KIF6: variants seen among roughly 807,000 people sequenced by gnomAD.
KIF6 encodes the protein kinesin family member 6, also known as kinesin-like protein KIF6.
Under a neutral mutation model 112.7 loss-of-function variants are expected in KIF6, and 106 were observed. That is an observed-to-expected ratio of 0.94 (90% CI 0.80 to 1.11). KIF6 has a LOEUF of 1.11. KIF6 is among the 50% of genes least tolerant of loss of function. The probability of loss-of-function intolerance (pLI) is 0.00; values close to 1 mark genes in which losing one functional copy is unlikely to be tolerated. For synonymous variants in KIF6, 339 were observed against 339.9 expected, an observed-to-expected ratio of 1.00 and a Z score of 0.03; for missense variants, 929 against 964.0, an observed-to-expected ratio of 0.96 and a Z score of 0.48.
In KIF6 at chr6:39,332,890, T is replaced by C. The variant is rs61075053; in HGVS notation, c.*3642A>G. The C allele has an allele frequency of 0.11, 16,241 of 152,138 alleles. 936 individuals carry two copies. Among genetic ancestry groups the C allele is most frequent in the Middle Eastern group, 0.23 (67 of 294 alleles). 9.4% of individuals were successfully genotyped at this position (152,138 alleles called of 1,614,324 possible). ...TCCCTGGATTCCCAGCTCCATTTCC[T>C]CAACTCAGGGAAACCACTGGGCTCT... is the stretch of plus-strand genomic sequence containing the variant. On this transcript the variant is annotated 3_prime_UTR_variant, in exon 23 of 23. Transcript: ENST00000287152.
At chr6:39,627,531 T>C (rs569216618) in intron 5 of KIF6, among the ~76,000 whole-genome samples, 36 of 152,274 alleles carry the variant, frequency 2.4e-4, no homozygotes, top group Non-Finnish European at 4.0e-4. Context: ...CTGTAAGTCA[T>C]GAGAGCAGAG....
rs1372950935 is a variant in KIF6, at chr6:39,447,885, T to G, written c.1646-16724A>C. ...AGTGATCCTGGATTGCCAAAACCAG[T>G]GGTCAGTTTTCTGTTTTTATTTGAG... On this transcript the variant is annotated intron_variant, in intron 13 of 22. Coordinates refer to ENST00000287152, the MANE Select transcript of KIF6 (RefSeq NM_145027.6). Among the ~76,000 whole-genome samples, 5 of 152,184 alleles carry G rather than the reference T, an allele frequency of 3.3e-5. No homozygotes were observed. The East Asian group carries it at 9.7e-4, about 30-fold the overall frequency.
intron 3 of KIF6, among the ~76,000 whole-genome samples, chr6:39,656,985 C>A (rs901744349): frequency 6.6e-6 from 1 of 152,126 alleles, no homozygotes; most frequent in African/African-American, 2.4e-5. Flanking sequence ...AATCCCAACA[C>A]TTTGGGAGGC....
chr6:39,443,155 A>ATAAT (rs1554217798), intron 13 of KIF6, among the ~76,000 whole-genome samples: 16 of 123,312 alleles, frequency 1.3e-4, no homozygotes, highest in Admixed American at 8.6e-4. Context: ...AATAATAATA[A>ATAAT]TAATAAATAA....
At chr6:39,575,506 G>C (rs1012511671) in intron 10 of KIF6, among the ~76,000 whole-genome samples, 1 of 152,144 alleles carries the variant, frequency 6.6e-6, no homozygotes, top group Admixed American at 6.5e-5. Context: ...TCCTGACTTT[G>C]TGATCCGCCC....
In KIF6 at chr6:39,584,417, T is replaced by TACAAAAAAAAAAAAAAAAAAAAAAAA. The variant is rs1481333003; in HGVS notation, c.1077+480_1077+481insTTTTTTTTTTTTTTTTTTTTTTTTGT. 2.8e-4 allele frequency among the ~76,000 whole-genome samples: 13 copies of TACAAAAAAAAAAAAAAAAAAAAAAAA among 46,064 alleles called. 2 individuals carry two copies. The highest frequency in any genetic ancestry group is 6.2e-4 in the Non-Finnish European group (10 of 16,118). The allele number at this position is 46,064 out of a possible 152,430, so 30.2% of individuals were successfully genotyped here. ...TCCAGCCTGAGCAAGACTCTGTCTCTAAAAAAAAAAAAAAAAAAAAAAAAA... is the reference window on the plus strand; with the variant it reads ...TCCAGCCTGAGCAAGACTCTGTCTCTACAAAAAAAAAAAAAAAAAAAAAAAAAAAAAAAAAAAAAAAAAAAAAAAAA... On this transcript the variant is annotated intron_variant, in intron 9 of 22. Transcript: ENST00000287152.
At chr6:39,606,148 T>G (rs9471134) in intron 6 of KIF6, among the ~76,000 whole-genome samples, 26,211 of 151,792 alleles carry the variant, frequency 0.17, 2,492 homozygotes, top group Admixed American at 0.27. Flanking sequence ...CTCCTATATC[T>G]TCTCTTCCTC....
intron 6 of KIF6, among the ~76,000 whole-genome samples, chr6:39,606,708 C>T (rs1782908310): frequency 6.6e-6 from 1 of 152,166 alleles, no homozygotes; most frequent in African/African-American, 2.4e-5. Context: ...TGGCATGAGC[C>T]TACATCACTG....
intron 13 of KIF6, among the ~76,000 whole-genome samples, chr6:39,442,941 G>C (rs975035519): frequency 6.6e-6 from 1 of 151,656 alleles, no homozygotes; most frequent in Admixed American, 6.6e-5. Context: ...GTGAAACCTC[G>C]TCTCTACTAA....
In KIF6 at chr6:39,596,207, CAAAT is replaced by C. The variant is rs1224527428; in HGVS notation, c.689_692del (p.His230ArgfsTer32). Reference sequence around the variant, plus strand: ...TTGCAGATCCTGGTTCCTTGCTTGACAAATGAATGGTGAAAATGCAGTGGGAACG... The same window carrying C: ...TTGCAGATCCTGGTTCCTTGCTTGACGAATGGTGAAAATGCAGTGGGAACG... On this transcript the variant is annotated frameshift_variant, in exon 7 of 23. Transcript: ENST00000287152. LOFTEE classifies it high-confidence loss of function. The C allele has an allele frequency of 6.2e-7, 1 of 1,613,786 alleles. No homozygotes were observed. Among genetic ancestry groups the C allele is most frequent in the Non-Finnish European group, 8.5e-7 (1 of 1,179,972 alleles).
At chr6:39,721,109 A>G (rs892811321) in intron 1 of KIF6, among the ~76,000 whole-genome samples, 2 of 152,220 alleles carry the variant, frequency 1.3e-5, no homozygotes, top group South Asian at 2.1e-4. Context: ...TGAGAAACTA[A>G]TAGCCTGAAA....
chr6:39,643,758 A>G (rs1785024470), intron 3 of KIF6, among the ~76,000 whole-genome samples: 1 of 152,178 alleles, frequency 6.6e-6, no homozygotes, highest in African/African-American at 2.4e-5. Context: ...CATGAGCTAA[A>G]TTAGGCAATG....
At chr6:39,448,341 A>G (rs1772462961) in intron 13 of KIF6, among the ~76,000 whole-genome samples, 1 of 151,760 alleles carries the variant, frequency 6.6e-6, no homozygotes, top group South Asian at 2.1e-4. Flanking sequence ...CACCCGGCTG[A>G]TTTTTGTAGT....
At chr6:39,689,637 C>T (rs1315109915) in intron 3 of KIF6, among the ~76,000 whole-genome samples, 1 of 152,018 alleles carries the variant, frequency 6.6e-6, no homozygotes. Context: ...CTCACTCTGT[C>T]ACCCAGGCCC....
intron 13 of KIF6, among the ~76,000 whole-genome samples, chr6:39,470,201 G>C (rs1774035179): frequency 6.6e-6 from 1 of 152,288 alleles, no homozygotes; most frequent in South Asian, 2.1e-4. Context: ...GCACAGTCAG[G>C]AGCAGGTAAA....
At chr6:39,656,086 A>T (rs902151906) in intron 3 of KIF6, among the ~76,000 whole-genome samples, 11 of 152,292 alleles carry the variant, frequency 7.2e-5, no homozygotes, top group African/African-American at 2.6e-4. Flanking sequence ...TATAGTGTTG[A>T]CCCATTCATG....
intron 15 of KIF6, among the ~76,000 whole-genome samples, chr6:39,410,277 G>A (rs1017989142): frequency 6.6e-6 from 1 of 152,226 alleles, no homozygotes; most frequent in African/African-American, 2.4e-5. Flanking sequence ...TTACTACTAC[G>A]ATGAGATTTA....
At position 39,629,963 on chromosome 6, in the gene KIF6, C is replaced by T. The variant is rs145414148; in HGVS notation, c.509+4886G>A. Among the ~76,000 whole-genome samples the T allele has an allele frequency of 3.6e-3, 552 of 152,102 alleles. 2 individuals are homozygous for T. The highest frequency in any genetic ancestry group is 5.6e-3 in the Non-Finnish European group (378 of 67,922). ...AGACTACCCCCTTTCCACTGAATTG[C>T]CTTCGCTTCTTTGTCAAAAATCAGT... is the stretch of plus-strand genomic sequence containing the variant. On this transcript the variant is annotated intron_variant, in intron 5 of 22. Coordinates refer to ENST00000287152, the MANE Select transcript of KIF6 (RefSeq NM_145027.6).
intron 5 of KIF6, among the ~76,000 whole-genome samples, chr6:39,622,638 A>G (rs1435189036): frequency 6.6e-6 from 1 of 152,118 alleles, no homozygotes; most frequent in Non-Finnish European, 1.5e-5. Flanking sequence ...TTGTTCAGGG[A>G]ATTATTTAAA....
Sources: allele counts gnomAD v4.1 joint callset (sites outside exome capture counted in the v4.1 genomes callset), GRCh38; gene constraint gnomAD v4.1.1; transcripts MANE v1.5; gene names NCBI Gene and HGNC (gene_info 2026-07-23, HGNC 2026-07-21).